The following ADGRL2 variants were observed in gnomAD, a reference collection of about 807,000 sequenced individuals.
ADGRL2 encodes calcium-independent alpha-latrotoxin receptor 2.
In ADGRL2, 44 loss-of-function variants were observed where a neutral mutation model predicts 157.4. The ratio of observed to expected loss-of-function variants is 0.28; its 90% CI spans 0.22 to 0.36. The LOEUF is 0.36. Among genes scored for constraint, ADGRL2 ranks in the 10% least tolerant of loss-of-function variants. ADGRL2 has a pLI of 1.00. For missense variants in ADGRL2, 1,510 were observed against 1,768.9 expected, an observed-to-expected ratio of 0.85 and a Z score of 2.63; for synonymous variants, 585 against 624.7, an observed-to-expected ratio of 0.94 and a Z score of 0.95.
intron 3 of ADGRL2, among the ~76,000 whole-genome samples, chr1:81,676,944 G>A (rs2083006101): frequency 6.6e-6 from 1 of 150,412 alleles, no homozygotes; most frequent in Non-Finnish European, 1.5e-5. Flanking sequence ...CCGCAGTGCT[G>A]AGATTACAGG....
rs190604977 is a variant in ADGRL2, at chr1:81,720,888, A to T, written c.-143+21080A>T. On this transcript the variant is annotated intron_variant, in intron 1 of 20. Coordinates refer to the ADGRL2 transcript ENST00000359929. ...TATATATTAACATATATTTATGTTTATATATTATACTATATATGTTTTATA... is the reference window on the plus strand; with the variant it reads ...TATATATTAACATATATTTATGTTTTTATATTATACTATATATGTTTTATA... Among the ~76,000 whole-genome samples the T allele has an allele frequency of 5.4e-4, 81 of 149,990 alleles. 1 individual carries two copies. Among genetic ancestry groups the T allele is most frequent in the Non-Finnish European group, 7.4e-4 (50 of 67,610 alleles).
At chr1:81,955,669 T>A in intron 10 of ADGRL2, 4 of 398,782 alleles carry the variant, frequency 1.0e-5, no homozygotes, top group Non-Finnish European at 1.8e-5. Context: ...CAAATAGCAG[T>A]CTGTTAATCT....
chr1:81,698,884 A>G (rs1279121410), upstream of ADGRL2, among the ~76,000 whole-genome samples: 1 of 152,170 alleles, frequency 6.6e-6, no homozygotes, highest in Non-Finnish European at 1.5e-5. Flanking sequence ...TATGTAGCCA[A>G]CCAACTTTTT....
intron 3 of ADGRL2, among the ~76,000 whole-genome samples, chr1:81,617,072 C>T (rs2081671377): frequency 6.6e-6 from 1 of 152,156 alleles, no homozygotes; most frequent in African/African-American, 2.4e-5. Context: ...TATCAGAGGT[C>T]CCCAATCCCC....
At chr1:81,837,143 T>C (rs767440794) in intron 2 of ADGRL2, 86 bp downstream of exon 2, 22 of 624,552 alleles carry the variant, frequency 3.5e-5, no homozygotes, top group Non-Finnish European at 5.5e-5. Context: ...CTAGAATATT[T>C]GTTTATTATT....
chr1:81,822,399 AT>A (rs1423385344), intron 1 of ADGRL2, among the ~76,000 whole-genome samples: 2 of 151,680 alleles, frequency 1.3e-5, no homozygotes, highest in East Asian at 3.9e-4. Flanking sequence ...TTGATTTATA[AT>A]TTAATTTTTA....
intron 1 of ADGRL2, chr1:81,722,906 G>A (rs1006972874): frequency 6.7e-5 from 49 of 730,120 alleles, no homozygotes; most frequent in Non-Finnish European, 9.7e-5. Flanking sequence ...TGGACTCAAT[G>A]AAATTCTTAG....
intron 1 of ADGRL2, among the ~76,000 whole-genome samples, chr1:81,415,530 C>T (rs2101480095): frequency 6.6e-6 from 1 of 152,326 alleles, no homozygotes; most frequent in African/African-American, 2.4e-5. Context: ...GGAGATACCA[C>T]TGCAGTTCAT....
chr1:81,441,459 A>T (rs2077505796), intron 1 of ADGRL2, among the ~76,000 whole-genome samples: 1 of 152,120 alleles, frequency 6.6e-6, no homozygotes, highest in Admixed American at 6.5e-5. Flanking sequence ...AAGAGTACAA[A>T]CTTACTTCTA....
intron 2 of ADGRL2, chr1:81,502,796 G>T (rs2078882664): frequency 1.2e-6 from 2 of 1,612,860 alleles, no homozygotes; most frequent in East Asian, 4.5e-5. Context: ...TCCCTCTTTG[G>T]CTACTCACCT....
At chr1:81,472,053 C>T (rs1424336221) in intron 2 of ADGRL2, among the ~76,000 whole-genome samples, 1 of 152,120 alleles carries the variant, frequency 6.6e-6, no homozygotes, top group African/African-American at 2.4e-5. Flanking sequence ...TTTTTTGAAG[C>T]ACCATACCAG....
At chr1:81,732,422 A>G (rs893145362) in intron 1 of ADGRL2, among the ~76,000 whole-genome samples, 34 of 152,184 alleles carry the variant, frequency 2.2e-4, no homozygotes, top group Non-Finnish European at 4.3e-4. Flanking sequence ...CATTATTAAT[A>G]TTTACTGTTA....
intron 1 of ADGRL2, chr1:81,722,694 A>G: frequency 9.2e-7 from 1 of 1,082,824 alleles, no homozygotes. Context: ...AAATTGCAGA[A>G]GAAAGTATGA....
At position 81,718,087 on chromosome 1, in the gene ADGRL2, T is replaced by G. The variant is rs747455423; in HGVS notation, c.-143+18279T>G. 8.9e-4 allele frequency among the ~76,000 whole-genome samples: 136 copies of G among 152,302 alleles called. 1 individual carries two copies. The highest frequency in any genetic ancestry group is 1.5e-3 in the Non-Finnish European group (100 of 68,024). On this transcript the variant is annotated intron_variant, in intron 1 of 20. Coordinates refer to the ADGRL2 transcript ENST00000359929. Reference sequence around the variant, plus strand: ...AAGGCTCGAGTGCAGTGGTGCCATCTCGGCTCACTCCAACCTCCGCCTCTC... The same window carrying G: ...AAGGCTCGAGTGCAGTGGTGCCATCGCGGCTCACTCCAACCTCCGCCTCTC...
intron 1 of ADGRL2, among the ~76,000 whole-genome samples, chr1:81,398,170 C>T (rs190455368): frequency 4.8e-4 from 73 of 152,160 alleles, no homozygotes; most frequent in African/African-American, 1.5e-3. Context: ...ATATCTTTTT[C>T]CATCCCTTCA....
At chr1:81,688,602 T>C (rs1475693531) in intron 3 of ADGRL2, among the ~76,000 whole-genome samples, 1 of 152,208 alleles carries the variant, frequency 6.6e-6, no homozygotes, top group African/African-American at 2.4e-5. Context: ...TTTCCTTGCA[T>C]TGGGCTTTGC....
At chr1:81,936,968 T>C (rs1158365976) in intron 4 of ADGRL2, 131 bp downstream of exon 4, 1 of 567,312 alleles carries the variant, frequency 1.8e-6, no homozygotes. Flanking sequence ...CTAACAGACT[T>C]GGGCCTCCAA....
At chr1:81,613,562 C>G (rs889274960) in intron 3 of ADGRL2, among the ~76,000 whole-genome samples, 2 of 151,078 alleles carry the variant, frequency 1.3e-5, no homozygotes, top group Non-Finnish European at 2.9e-5. Flanking sequence ...GCAGGGCAGA[C>G]AGACTTCTGA....
chr1:81,395,431 T>C (rs2076637917), intron 1 of ADGRL2, among the ~76,000 whole-genome samples: 1 of 152,224 alleles, frequency 6.6e-6, no homozygotes, highest in South Asian at 2.1e-4. Flanking sequence ...GATCCTTGCA[T>C]ATTCTGGTTA....
Sources: allele counts gnomAD v4.1 joint callset (sites outside exome capture counted in the v4.1 genomes callset), GRCh38; gene constraint gnomAD v4.1.1; transcripts MANE v1.5; gene names NCBI Gene and HGNC (gene_info 2026-07-23, HGNC 2026-07-21).